Variants in PLCG2 observed in about 807,000 individuals in gnomAD.
PLCG2 encodes phospholipase C gamma 2.
In PLCG2, 69 loss-of-function variants were observed where a neutral mutation model predicts 175.6. That is an observed-to-expected ratio of 0.39 (90% CI 0.32 to 0.48). PLCG2 has a LOEUF of 0.48. Ranked by LOEUF, PLCG2 falls within the 20% of genes least tolerant of loss-of-function variation. The pLI is 0.91. For synonymous variants in PLCG2, 827 were observed against 624.0 expected (o/e 1.33, Z -4.85); for missense variants, 1,798 against 1,650.9 (o/e 1.09, Z -1.54).
intron 2 of PLCG2, among the ~76,000 whole-genome samples, chr16:81,770,169 TCA>T (rs1422326610): frequency 2.6e-5 from 4 of 152,124 alleles, no homozygotes; most frequent in Non-Finnish European, 5.9e-5. Flanking sequence ...CACTGGATCT[TCA>T]CACACTGAAC....
chr16:81,869,779 T>C (rs896657312), intron 6 of PLCG2, among the ~76,000 whole-genome samples: 1 of 152,234 alleles, frequency 6.6e-6, no homozygotes, highest in African/African-American at 2.4e-5. Context: ...TCATTAAATT[T>C]ATTTTGTTGT....
At chr16:81,844,273 G>A (rs1455567372) in intron 2 of PLCG2, among the ~76,000 whole-genome samples, 4 of 151,084 alleles carry the variant, frequency 2.6e-5, no homozygotes, top group East Asian at 3.9e-4. Flanking sequence ...GATTACAGGC[G>A]TGAGCCACCG....
chr16:81,946,329 C>A (rs1331001748), intron 31 of PLCG2, 66 bp downstream of exon 31: 4 of 1,135,998 alleles, frequency 3.5e-6, no homozygotes, highest in Non-Finnish European at 5.4e-6. Context: ...AGAAACGGCC[C>A]GTGAATACAA....
chr16:81,786,211 G>A (rs1910965298), intron 2 of PLCG2, 29 bp downstream of exon 2: 2 of 1,598,656 alleles, frequency 1.3e-6, no homozygotes, highest in African/African-American at 1.3e-5. Flanking sequence ...GGGCAGTGTG[G>A]CCCGTCCTCT....
In PLCG2 at chr16:81,893,605, C is replaced by T. The variant is rs139002906; in HGVS notation, c.987-104C>T. 2,272 of 712,958 alleles carry T rather than the reference C, an allele frequency of 3.2e-3. 18 individuals are homozygous for T. The highest frequency in any genetic ancestry group is 0.019 in the Middle Eastern group (60 of 3,154). The allele number at this position is 712,958 out of a possible 1,614,324, so 44.2% of individuals were successfully genotyped here. On this transcript the variant is annotated intron_variant, in intron 11 of 32. Transcript: ENST00000564138. ...TACATGGAAGAACTCAGAGCTTTGG[C>T]GGCTCGGGCGGAGAAGTTCCCCCAC...
intron 2 of PLCG2, among the ~76,000 whole-genome samples, chr16:81,805,034 C>G (rs960412415): frequency 6.6e-6 from 1 of 152,066 alleles, no homozygotes; most frequent in Non-Finnish European, 1.5e-5. Flanking sequence ...AGTGATTTGC[C>G]CAAGGTTACC....
At chr16:81,953,526 A>G (rs1469766330) in intron 31 of PLCG2, among the ~76,000 whole-genome samples, 1 of 152,230 alleles carries the variant, frequency 6.6e-6, no homozygotes, top group East Asian at 1.9e-4. Context: ...AACTAAAGGC[A>G]GAGAGTGCCA....
intron 1 of PLCG2, among the ~76,000 whole-genome samples, chr16:81,742,262 T>C (rs371062580): frequency 1.3e-5 from 2 of 150,146 alleles, no homozygotes; most frequent in African/African-American, 5.0e-5. Context: ...CCCTGGAAAA[T>C]AGGGGTTAGG....
intron 2 of PLCG2, among the ~76,000 whole-genome samples, chr16:81,771,095 A>G (rs1408461973): frequency 2.0e-5 from 3 of 151,678 alleles, no homozygotes; most frequent in Non-Finnish European, 4.4e-5. Flanking sequence ...TAAAAGGCCC[A>G]GATCATAAGT....
intron 2 of PLCG2, among the ~76,000 whole-genome samples, chr16:81,814,261 T>C (rs1315587947): frequency 6.6e-6 from 1 of 152,142 alleles, no homozygotes; most frequent in Non-Finnish European, 1.5e-5. Flanking sequence ...CCTCAATAGG[T>C]AATAAGGTCT....
chr16:81,750,750 C>T (rs934301863), intron 1 of PLCG2, among the ~76,000 whole-genome samples: 5 of 134,642 alleles, frequency 3.7e-5, no homozygotes, highest in African/African-American at 1.1e-4. Flanking sequence ...TCACTGCAAG[C>T]TCCGCCTCCC....
chr16:81,784,247 C>A (rs1473704936), intron 1 of PLCG2, among the ~76,000 whole-genome samples: 1 of 152,164 alleles, frequency 6.6e-6, no homozygotes, highest in Non-Finnish European at 1.5e-5. Flanking sequence ...CATCCTAGTC[C>A]CCACCTCAGT....
intron 23 of PLCG2, among the ~76,000 whole-genome samples, chr16:81,928,288 C>CA (rs1275184691): frequency 6.6e-6 from 1 of 152,088 alleles, no homozygotes; most frequent in Admixed American, 6.5e-5. Flanking sequence ...TCTGAGGAAG[C>CA]ATTATGAAAC....
Position 81,880,930 on chromosome 16 carries a change from G to T in PLCG2, c.669G>T (p.Lys223Asn), listed in dbSNP as rs746780297. ...QQKSILDEFK[K>N]DSSVFILGNT... is the part of the protein sequence containing the mutation. ...TTCAGATTCTCGATGAATTCAAAAA[G>T]GATTCGTCCGTGTTCATCCTGGGGT... Residue 223 changes from lysine to asparagine, a missense_variant, in exon 8 of 33, where the codon AAG becomes AAT. Lys to Asn is a moderately conservative substitution (Grantham distance 94). Coordinates refer to ENST00000564138, the MANE Select transcript of PLCG2 (RefSeq NM_002661.5). The T allele has an allele frequency of 6.2e-7, 1 of 1,614,108 alleles. No individual in the cohort carries two copies. The highest frequency in any genetic ancestry group is 2.2e-5 in the East Asian group (1 of 44,864).
intron 1 of PLCG2, among the ~76,000 whole-genome samples, chr16:81,744,727 A>G (rs1423382697): frequency 6.6e-6 from 1 of 151,928 alleles, no homozygotes; most frequent in African/African-American, 2.4e-5. Context: ...ATGGGTCACC[A>G]TACCCAGCTA....
At position 81,907,649 on chromosome 16, in the gene PLCG2, G is replaced by A; in HGVS notation, c.1468-36G>A. 2.0e-6 allele frequency: 3 copies of A among 1,486,964 alleles called. No homozygotes were observed. In the South Asian group the frequency reaches 3.4e-5, roughly 17 times the overall value. The allele number at this position is 1,486,964 out of a possible 1,614,324, so 92.1% of individuals were successfully genotyped here. A position where few individuals can be genotyped will look rare whatever the true frequency, so the allele number is the denominator to read the frequency against. Reference sequence around the variant, plus strand: ...GGGCTCCACAGTTGATGAGGTAGAGGACTTGGGGGGCACTAATACCAGTTT... The same window carrying A: ...GGGCTCCACAGTTGATGAGGTAGAGAACTTGGGGGGCACTAATACCAGTTT... On this transcript the variant is annotated intron_variant, in intron 15 of 32. Transcript: ENST00000564138.
At chr16:81,752,526 C>T (rs11646490) in intron 1 of PLCG2, among the ~76,000 whole-genome samples, 1 of 152,180 alleles carries the variant, frequency 6.6e-6, no homozygotes, top group African/African-American at 2.4e-5. Context: ...AGTGGCTCAG[C>T]CCCTCGGCTG....
chr16:81,806,063 C>G (rs911790874), intron 2 of PLCG2, among the ~76,000 whole-genome samples: 1 of 151,838 alleles, frequency 6.6e-6, no homozygotes, highest in East Asian at 1.9e-4. Context: ...AACATGTATG[C>G]AATATAATTA....
At chr16:81,930,798 A>G (rs1239712738) in intron 24 of PLCG2, among the ~76,000 whole-genome samples, 2 of 151,928 alleles carry the variant, frequency 1.3e-5, no homozygotes, top group African/African-American at 2.4e-5. Flanking sequence ...TATGTAAAAG[A>G]TTATATGTAA....
Sources: allele counts gnomAD v4.1 joint callset (sites outside exome capture counted in the v4.1 genomes callset), GRCh38; gene constraint gnomAD v4.1.1; transcripts MANE v1.5; gene names NCBI Gene and HGNC (gene_info 2026-07-23, HGNC 2026-07-21).